CDH13: variants seen among roughly 807,000 people sequenced by gnomAD.
The protein encoded by CDH13 is cadherin 13.
Under a neutral mutation model 63.8 loss-of-function variants are expected in CDH13, and 24 were observed. The observed-to-expected ratio is 0.38, with a 90% CI of 0.27 to 0.53. CDH13 has a LOEUF of 0.53. Ranked by LOEUF, CDH13 falls within the 20% of genes least tolerant of loss-of-function variation. The pLI is 0.85. For synonymous variants in CDH13, 503 were observed against 355.3 expected (o/e 1.42, Z -4.67); for missense variants, 1,049 against 903.1 (o/e 1.16, Z -2.07).
At chr16:82,777,965 C>T (rs545572437) in intron 1 of CDH13, among the ~76,000 whole-genome samples, 1 of 152,270 alleles carries the variant, frequency 6.6e-6, no homozygotes, top group Non-Finnish European at 1.5e-5. Flanking sequence ...GCCAAGAAAA[C>T]AGAAGCCACA....
chr16:82,984,534 A>G (rs1264329937), intron 2 of CDH13, among the ~76,000 whole-genome samples: 2 of 152,212 alleles, frequency 1.3e-5, no homozygotes, highest in Admixed American at 1.3e-4. Context: ...GAAATTATCA[A>G]GTGGGATAAT....
intron 7 of CDH13, among the ~76,000 whole-genome samples, chr16:83,564,802 G>T (rs77627440): frequency 9.8e-4 from 150 of 152,326 alleles, no homozygotes; most frequent in African/African-American, 3.4e-3. Context: ...AGAGAGAAGA[G>T]TATGGAGGTT....
At chr16:82,807,633 G>A (rs1368272965) in intron 1 of CDH13, among the ~76,000 whole-genome samples, 1 of 152,196 alleles carries the variant, frequency 6.6e-6, no homozygotes, top group Non-Finnish European at 1.5e-5. Context: ...ATGCCTCATT[G>A]TGGGTTCAGG....
At chr16:83,655,465 T>C (rs1035110258) in intron 8 of CDH13, among the ~76,000 whole-genome samples, 13 of 152,298 alleles carry the variant, frequency 8.5e-5, no homozygotes, top group Admixed American at 7.2e-4. Flanking sequence ...AATGGCAAGA[T>C]GGTGCCAGTA....
chr16:83,438,528 G>A (rs2072386708), intron 6 of CDH13, among the ~76,000 whole-genome samples: 1 of 152,150 alleles, frequency 6.6e-6, no homozygotes, highest in African/African-American at 2.4e-5. Context: ...CCAACTCCCT[G>A]GAGTCTTTAT....
intron 7 of CDH13, among the ~76,000 whole-genome samples, chr16:83,567,740 C>T (rs1389658520): frequency 3.9e-5 from 6 of 152,072 alleles, no homozygotes; most frequent in Non-Finnish European, 8.8e-5. Context: ...GCACTACAGG[C>T]GCCCGCCACC....
chr16:83,446,726 A>G (rs1422236825), intron 6 of CDH13, among the ~76,000 whole-genome samples: 1 of 152,168 alleles, frequency 6.6e-6, no homozygotes, highest in Non-Finnish European at 1.5e-5. Context: ...CCAATTATCT[A>G]GTCTGCTACA....
At chr16:83,136,489 A>T (rs2036292681) in intron 4 of CDH13, among the ~76,000 whole-genome samples, 1 of 149,612 alleles carries the variant, frequency 6.7e-6, no homozygotes, top group African/African-American at 2.4e-5. Flanking sequence ...CTGTCTCCAA[A>T]AAAAAAAAAA....
chr16:82,866,246 A>G (rs957229125), intron 2 of CDH13, among the ~76,000 whole-genome samples: 1 of 152,036 alleles, frequency 6.6e-6, no homozygotes, highest in Admixed American at 6.6e-5. Flanking sequence ...TGAGCCCTCT[A>G]AACTGTTCCA....
chr16:83,015,659 G>A (rs572526168), intron 2 of CDH13, among the ~76,000 whole-genome samples: 1 of 80,202 alleles, frequency 1.2e-5, no homozygotes, highest in East Asian at 4.4e-4. Context: ...CAGCATATAT[G>A]TGTGTGTGTG....
chr16:82,970,950 A>G (rs1000469028), intron 2 of CDH13, among the ~76,000 whole-genome samples: 2 of 152,216 alleles, frequency 1.3e-5, no homozygotes, highest in African/African-American at 4.8e-5. Flanking sequence ...TGTTGAATGT[A>G]CAAATAAATG....
At chr16:83,492,777 G>T (rs1184573841) in intron 7 of CDH13, among the ~76,000 whole-genome samples, 4 of 152,100 alleles carry the variant, frequency 2.6e-5, no homozygotes, top group Non-Finnish European at 5.9e-5. Flanking sequence ...GAAGGCCAGG[G>T]TCTTTATCTT....
intron 2 of CDH13, among the ~76,000 whole-genome samples, chr16:82,934,198 T>G (rs1024900839): frequency 1.3e-5 from 2 of 152,228 alleles, no homozygotes; most frequent in African/African-American, 2.4e-5. Context: ...CCATACATCT[T>G]CTGAAGTCTA....
chr16:83,264,538 GTGTA>G (rs1907370085), intron 5 of CDH13, among the ~76,000 whole-genome samples: 1 of 99,582 alleles, frequency 1.0e-5, no homozygotes, highest in African/African-American at 3.6e-5. Flanking sequence ...GTATATGTGT[GTGTA>G]TATATATGTA....
intron 4 of CDH13, among the ~76,000 whole-genome samples, chr16:83,205,760 A>G (rs2039164726): frequency 2.0e-5 from 3 of 151,940 alleles, no homozygotes; most frequent in Admixed American, 6.6e-5. Context: ...GTGCACCACC[A>G]CACCCAGTTA....
At chr16:83,658,054 ATAT>A (rs1913042371) in intron 8 of CDH13, among the ~76,000 whole-genome samples, 6 of 90,170 alleles carry the variant, frequency 6.7e-5, no homozygotes, top group Non-Finnish European at 1.2e-4. Context: ...GCAAGGTCCC[ATAT>A]CCTCACCACC....
At chr16:83,236,315 G>C (rs1200022418) in intron 5 of CDH13, among the ~76,000 whole-genome samples, 1 of 151,408 alleles carries the variant, frequency 6.6e-6, no homozygotes, top group Admixed American at 6.6e-5. Context: ...AACTACAATT[G>C]CTTCCTTAAA....
chr16:82,955,748 T>C (rs1905988534), intron 2 of CDH13, among the ~76,000 whole-genome samples: 1 of 152,198 alleles, frequency 6.6e-6, no homozygotes, highest in African/African-American at 2.4e-5. Context: ...TGGGATTCTC[T>C]TCATTGCAAG....
chr16:83,619,553 T>A (rs910380240), intron 8 of CDH13, among the ~76,000 whole-genome samples: 3 of 152,076 alleles, frequency 2.0e-5, no homozygotes, highest in African/African-American at 7.2e-5. Context: ...GGAGAGAGAA[T>A]TGGTTTGATG....
Sources: gnomAD v4.1 joint callset for allele counts (sites outside exome capture counted in the v4.1 genomes callset) on GRCh38, gnomAD v4.1.1 for gene constraint, MANE v1.5 for transcripts, NCBI Gene and HGNC (gene_info 2026-07-23, HGNC 2026-07-21) for gene names.